The following RBPJ variants were observed in gnomAD, a reference collection of about 807,000 sequenced individuals.
RBPJ encodes recombination signal binding protein for immunoglobulin kappa J region.
In RBPJ, 9 loss-of-function variants were observed where a neutral mutation model predicts 67.8. The observed-to-expected ratio is 0.13, with a 90% CI of 0.08 to 0.23. The LOEUF is 0.23. RBPJ is among the 10% of genes least tolerant of loss of function. The pLI is 1.00. For synonymous variants in RBPJ, 198 were observed against 203.3 expected, an observed-to-expected ratio of 0.97 and a Z score of 0.22; for missense variants, 305 against 595.6, an observed-to-expected ratio of 0.51 and a Z score of 5.08.
At chr4:26,150,029 T>C in the RBPJ span, among the ~76,000 whole-genome samples, 2 of 152,196 alleles carry the variant, frequency 1.3e-5, no homozygotes, top group Non-Finnish European at 2.9e-5. Context: ...ACCTCTGATG[T>C]TATCACTGCC....
chr4:26,402,677 C>G (rs1732963221), intron 2 of RBPJ, among the ~76,000 whole-genome samples: 1 of 152,204 alleles, frequency 6.6e-6, no homozygotes. Context: ...AGTTCTTCCT[C>G]TTATCAGTTC....
At chr4:26,218,584 A>C (rs1013555040) in intron 1 of RBPJ, among the ~76,000 whole-genome samples, 1 of 152,084 alleles carries the variant, frequency 6.6e-6, no homozygotes, top group Non-Finnish European at 1.5e-5. Flanking sequence ...TGTTGTTATT[A>C]CTGTTGTGGC....
intron 1 of RBPJ, among the ~76,000 whole-genome samples, chr4:26,182,536 C>T (rs1717047076): frequency 6.6e-6 from 1 of 150,718 alleles, no homozygotes; most frequent in Non-Finnish European, 1.5e-5. Flanking sequence ...CTCTGTCACC[C>T]AGGCTGGAGG....
At chr4:26,137,590 C>T in the RBPJ span, among the ~76,000 whole-genome samples, 6 of 152,202 alleles carry the variant, frequency 3.9e-5, no homozygotes, top group African/African-American at 9.6e-5. Flanking sequence ...CTCTCCGAGC[C>T]TCTTCGCTTC....
intron 3 of RBPJ, among the ~76,000 whole-genome samples, chr4:26,407,733 T>C (rs1379688236): frequency 2.0e-5 from 3 of 152,066 alleles, no homozygotes; most frequent in Admixed American, 2.0e-4. Flanking sequence ...TCTTAGAGAT[T>C]GTGACATAAA....
At chr4:26,111,242 G>C in the RBPJ span, among the ~76,000 whole-genome samples, 3 of 151,952 alleles carry the variant, frequency 2.0e-5, no homozygotes, top group South Asian at 6.2e-4. Context: ...TCTCAAACTG[G>C]TCCCTGTCCC....
the RBPJ span, among the ~76,000 whole-genome samples, chr4:26,144,727 AAT>A: frequency 1.3e-5 from 2 of 152,220 alleles, no homozygotes; most frequent in Non-Finnish European, 2.9e-5. Context: ...CAAGATTTGT[AAT>A]ATGTTTTCTT....
the RBPJ span, among the ~76,000 whole-genome samples, chr4:26,152,691 G>A: frequency 6.6e-6 from 1 of 152,232 alleles, no homozygotes; most frequent in African/African-American, 2.4e-5. Context: ...AACCCAGGTT[G>A]TTCTGAATCC....
chr4:26,319,336 T>G (rs1000404373), upstream of RBPJ, among the ~76,000 whole-genome samples: 3 of 151,854 alleles, frequency 2.0e-5, no homozygotes, highest in African/African-American at 7.3e-5. Flanking sequence ...TCCCCACCCC[T>G]CGTCTTCCAT....
At chr4:26,411,452 T>G (rs1348267839) in intron 3 of RBPJ, among the ~76,000 whole-genome samples, 1 of 152,088 alleles carries the variant, frequency 6.6e-6, no homozygotes, top group African/African-American at 2.4e-5. Context: ...TGCCGTATTT[T>G]AGGGGATGAT....
At chr4:26,214,971 G>GAAC (rs1718620572) in intron 1 of RBPJ, among the ~76,000 whole-genome samples, 1 of 10,162 alleles carries the variant, frequency 9.8e-5, no homozygotes, top group Non-Finnish European at 1.5e-4. Context: ...AGGGAGGGAG[G>GAAC]GAGGGAAGGA....
At chr4:26,127,564 A>G in the RBPJ span, among the ~76,000 whole-genome samples, 1 of 152,202 alleles carries the variant, frequency 6.6e-6, no homozygotes, top group South Asian at 2.1e-4. Context: ...GGTACAGAGG[A>G]TGGAGTATAT....
intron 1 of RBPJ, among the ~76,000 whole-genome samples, chr4:26,349,093 C>CGCGCGCGCACGCGT (rs113326244): frequency 6.6e-6 from 1 of 150,738 alleles, no homozygotes; most frequent in African/African-American, 2.4e-5. Context: ...TGTGTGCGCG[C>CGCGCGCGCACGCGT]GCGCACGCAC....
At chr4:26,109,579 C>CTCTA in the RBPJ span, among the ~76,000 whole-genome samples, 3 of 29,390 alleles carry the variant, frequency 1.0e-4, no homozygotes, top group African/African-American at 4.2e-4. Flanking sequence ...CTCTCTCTCT[C>CTCTA]TATATATATA....
chr4:26,377,170 A>G (rs1729837723), intron 1 of RBPJ, among the ~76,000 whole-genome samples: 2 of 152,236 alleles, frequency 1.3e-5, no homozygotes, highest in Admixed American at 1.3e-4. Flanking sequence ...AGTGCTGGAC[A>G]CTATTATAGT....
At chr4:26,218,735 C>G (rs1718803829) in intron 1 of RBPJ, among the ~76,000 whole-genome samples, 1 of 152,330 alleles carries the variant, frequency 6.6e-6, no homozygotes, top group East Asian at 1.9e-4. Context: ...TCAATAACCA[C>G]TCGCTGTTTA....
chr4:26,412,310 G>A (rs1281022180), intron 3 of RBPJ, among the ~76,000 whole-genome samples: 2 of 152,044 alleles, frequency 1.3e-5, no homozygotes, highest in Admixed American at 6.6e-5. Context: ...TTGGCTCGCT[G>A]CAACCCCACC....
intron 3 of RBPJ, chr4:26,410,436 A>G (rs13118463): frequency 0.5 from 76,033 of 152,436 alleles, 20,209 homozygotes; most frequent in Admixed American, 0.62. Flanking sequence ...TTAATTTCTC[A>G]TTAAGTAAGA....
the RBPJ span, among the ~76,000 whole-genome samples, chr4:26,151,048 AC>A: frequency 6.6e-6 from 1 of 152,240 alleles, no homozygotes; most frequent in African/African-American, 2.4e-5. Flanking sequence ...CTCTAAAAAT[AC>A]TTTTTGATGA....
Sources: gnomAD v4.1 joint callset for allele counts (sites outside exome capture counted in the v4.1 genomes callset) on GRCh38, gnomAD v4.1.1 for gene constraint, MANE v1.5 for transcripts, NCBI Gene and HGNC (gene_info 2026-07-23, HGNC 2026-07-21) for gene names.